The following RASEF variants were observed in gnomAD, a reference collection of about 807,000 sequenced individuals.
RASEF encodes RAS and EF-hand domain containing.
A neutral mutation model predicts 90.1 loss-of-function variants in RASEF; 68 were observed. That is an observed-to-expected ratio of 0.75 (90% CI 0.62 to 0.92). The LOEUF (loss-of-function observed/expected upper bound fraction) is 0.92. RASEF is among the 40% of genes least tolerant of loss of function. The probability of loss-of-function intolerance (pLI) is 0.00; values close to 1 mark genes in which losing one functional copy is unlikely to be tolerated. For synonymous variants in RASEF, 331 were observed against 345.2 expected (o/e 0.96, Z 0.46); for missense variants, 949 against 937.2 (o/e 1.01, Z -0.16).
the RASEF span, among the ~76,000 whole-genome samples, chr9:83,202,890 T>C: frequency 2.0e-5 from 3 of 152,192 alleles, no homozygotes; most frequent in Non-Finnish European, 4.4e-5. Flanking sequence ...CTGGTATACA[T>C]ACATCAAAAC....
chr9:83,024,036 G>C (rs1486300114), intron 2 of RASEF, among the ~76,000 whole-genome samples: 1 of 152,204 alleles, frequency 6.6e-6, no homozygotes, highest in Non-Finnish European at 1.5e-5. Flanking sequence ...TTCAGGTGCA[G>C]TGCAGAACAA....
chr9:83,013,223 A>C (rs1227354806), intron 4 of RASEF, among the ~76,000 whole-genome samples: 1 of 152,172 alleles, frequency 6.6e-6, no homozygotes, highest in Non-Finnish European at 1.5e-5. Context: ...CAACAACAAC[A>C]ACAAAATGCC....
At chr9:83,027,746 C>T (rs1371614832) in intron 1 of RASEF, among the ~76,000 whole-genome samples, 2 of 152,288 alleles carry the variant, frequency 1.3e-5, no homozygotes, top group East Asian at 3.9e-4. Context: ...AGGAATGTAG[C>T]ATGATGTATG....
chr9:83,065,457 C>T (rs1001264067), upstream of RASEF, among the ~76,000 whole-genome samples: 8 of 152,174 alleles, frequency 5.3e-5, no homozygotes, highest in African/African-American at 2.4e-5. Context: ...GGCAATGTTC[C>T]AAGCGAGTAA....
chr9:83,059,781 A>G (rs1182089573), intron 1 of RASEF, among the ~76,000 whole-genome samples: 1 of 152,152 alleles, frequency 6.6e-6, no homozygotes, highest in Non-Finnish European at 1.5e-5. Context: ...CTGACCTTGC[A>G]GACCCTTCAT....
chr9:83,014,246 A>C (rs1051480896), intron 4 of RASEF, among the ~76,000 whole-genome samples: 14 of 152,228 alleles, frequency 9.2e-5, no homozygotes, highest in Admixed American at 7.2e-4. Flanking sequence ...GAGAATTCTT[A>C]ATCATCCCAG....
chr9:83,076,571 A>AGTT, the RASEF span, among the ~76,000 whole-genome samples: 2 of 31,574 alleles, frequency 6.3e-5, no homozygotes, highest in Non-Finnish European at 1.2e-4. Context: ...TTCAGCTCTC[A>AGTT]ATGTTTTCCA....
chr9:83,101,353 A>G, the RASEF span, among the ~76,000 whole-genome samples: 1 of 152,182 alleles, frequency 6.6e-6, no homozygotes, highest in African/African-American at 2.4e-5. Flanking sequence ...CGGACATTGC[A>G]GGGCCAAGGA....
At chr9:83,171,010 A>T in the RASEF span, among the ~76,000 whole-genome samples, 6 of 151,948 alleles carry the variant, frequency 3.9e-5, no homozygotes, top group African/African-American at 1.4e-4. Context: ...CAGATCTTAG[A>T]TGAAAAGCTT....
the RASEF span, among the ~76,000 whole-genome samples, chr9:83,137,229 G>A: frequency 2.1e-3 from 324 of 152,114 alleles, 2 homozygotes; most frequent in South Asian, 8.7e-3. Flanking sequence ...GTATTCTCCA[G>A]TCTGTGGTAT....
At chr9:83,049,704 A>G (rs866256006) in intron 1 of RASEF, among the ~76,000 whole-genome samples, 1 of 23,264 alleles carries the variant, frequency 4.3e-5, no homozygotes, top group African/African-American at 1.8e-4. Context: ...CCCCGACCCC[A>G]CCACAGTCCC....
chr9:83,190,730 G>A, the RASEF span, among the ~76,000 whole-genome samples: 124 of 152,152 alleles, frequency 8.1e-4, no homozygotes, highest in African/African-American at 2.9e-3. Flanking sequence ...CATAATTGCC[G>A]ATGATGTACT....
chr9:83,090,098 T>C, the RASEF span, among the ~76,000 whole-genome samples: 2 of 152,228 alleles, frequency 1.3e-5, no homozygotes, highest in Non-Finnish European at 2.9e-5. Context: ...GTTCATCAAC[T>C]CATTCTTCTG....
At position 83,057,286 on chromosome 9, in the gene RASEF, A is replaced by T. The variant is rs530430830; in HGVS notation, c.431+5151T>A. ...GACAATATAATCTTATATCTAGAAA[A>T]CCCTAAAGACTCCTATAAAAGACTC... On this transcript the variant is annotated intron_variant, in intron 1 of 16. Transcript: ENST00000376447. Among the ~76,000 whole-genome samples the T allele has an allele frequency of 3.3e-5, 5 of 152,150 alleles. No homozygotes were observed. In the South Asian group the frequency reaches 1.0e-3, roughly 32 times the overall value.
chr9:83,101,351 G>T, the RASEF span, among the ~76,000 whole-genome samples: 1 of 152,124 alleles, frequency 6.6e-6, no homozygotes. Context: ...TGCGGACATT[G>T]CAGGGCCAAG....
chr9:83,187,714 C>G, the RASEF span, among the ~76,000 whole-genome samples: 1 of 152,150 alleles, frequency 6.6e-6, no homozygotes, highest in Non-Finnish European at 1.5e-5. Flanking sequence ...TTTCCTCATG[C>G]TATTCAATCT....
chr9:83,073,083 T>G, the RASEF span, among the ~76,000 whole-genome samples: 6 of 152,170 alleles, frequency 3.9e-5, no homozygotes, highest in Non-Finnish European at 8.8e-5. Flanking sequence ...CCATCACGCA[T>G]GTAGCAGATG....
At chr9:83,084,939 G>T in the RASEF span, among the ~76,000 whole-genome samples, 1 of 151,984 alleles carries the variant, frequency 6.6e-6, no homozygotes, top group African/African-American at 2.4e-5. Flanking sequence ...TTTAAAATAT[G>T]CTCATTTAAT....
intron 1 of RASEF, among the ~76,000 whole-genome samples, 186 bp from the exon 2 acceptor site, chr9:83,026,107 G>T (rs568184713): frequency 6.6e-6 from 1 of 152,300 alleles, no homozygotes; most frequent in East Asian, 1.9e-4. Context: ...CACAATAGGA[G>T]ATGGGGCCTG....
Sources: gnomAD v4.1 joint callset for allele counts (sites outside exome capture counted in the v4.1 genomes callset) on GRCh38, gnomAD v4.1.1 for gene constraint, MANE v1.5 for transcripts, NCBI Gene and HGNC (gene_info 2026-07-23, HGNC 2026-07-21) for gene names.